The following POU2F1 variants were observed in gnomAD, a reference collection of about 807,000 sequenced individuals.
POU2F1 encodes the protein POU domain, class 2, transcription factor 1.
A neutral mutation model predicts 84.9 loss-of-function variants in POU2F1; 16 were observed. The ratio of observed to expected loss-of-function variants is 0.19; its 90% CI spans 0.13 to 0.29. The LOEUF (loss-of-function observed/expected upper bound fraction) is 0.29, where lower values mean the gene tolerates loss of function less well. Ranked by LOEUF, POU2F1 falls within the 10% of genes least tolerant of loss-of-function variation. The pLI, the probability that POU2F1 is intolerant of heterozygous loss-of-function variation, is 1.00. For missense variants in POU2F1, 738 were observed against 942.6 expected, an observed-to-expected ratio of 0.78 and a Z score of 2.84; for synonymous variants, 368 against 368.3, an observed-to-expected ratio of 1.00 and a Z score of 0.01.
chr1:167,372,981 G>A lies in POU2F1; in HGVS notation c.402+945G>A, dbSNP rs1423881573. ...TCCCAGTTAAGTGTGTTTTGTCAGT[G>A]GACAACTGTTTTAAGAACTGTTGCA... On this transcript the variant is annotated intron_variant, in intron 5 of 15. Transcript: ENST00000367866. Among the ~76,000 whole-genome samples the A allele has an allele frequency of 3.3e-5, 5 of 151,682 alleles. No homozygotes were observed. The East Asian group carries it at 9.7e-4, about 29-fold the overall frequency.
Position 167,416,385 on chromosome 1 carries a change from ATTGTTG to A in POU2F1, c.*584_*589del, listed in dbSNP as rs150254224. On this transcript the variant is annotated 3_prime_UTR_variant, in exon 16 of 16. Coordinates refer to ENST00000367866, the MANE Select transcript of POU2F1 (RefSeq NM_002697.4). The stretch of plus-strand genomic sequence containing the variant: ...GGCAGGCCTGTATTACTGTATTATT[ATTGTTG>A]TTGTTGTTATTGTTTTATATATATA... 5.3e-6 allele frequency: 1 copy of A among 188,736 alleles called. No individual in the cohort carries two copies. The highest frequency in any genetic ancestry group is 2.4e-5 in the African/African-American group (1 of 41,468). The allele number at this position is 188,736 out of a possible 1,614,324, so 11.7% of individuals were successfully genotyped here.
chr1:167,241,238 G>A (rs1433176426), intron 1 of POU2F1, among the ~76,000 whole-genome samples: 1 of 152,148 alleles, frequency 6.6e-6, no homozygotes, highest in African/African-American at 2.4e-5. Flanking sequence ...TGATTTGCCA[G>A]TGTAAAGCAA....
At chr1:167,366,303 T>C (rs945559349) in intron 3 of POU2F1, among the ~76,000 whole-genome samples, 1 of 152,208 alleles carries the variant, frequency 6.6e-6, no homozygotes, top group African/African-American at 2.4e-5. Context: ...TAGACCAATA[T>C]TTTGGTGGTC....
chr1:167,380,805 G>A (rs1482547897), intron 7 of POU2F1: 4 of 151,994 alleles, frequency 2.6e-5, no homozygotes, highest in Non-Finnish European at 5.9e-5. Context: ...CATATTTTTG[G>A]TAATATTGCT....
intron 7 of POU2F1, among the ~76,000 whole-genome samples, chr1:167,382,215 G>A (rs1225005907): frequency 2.6e-5 from 4 of 152,134 alleles, no homozygotes; most frequent in East Asian, 1.9e-4. Context: ...GTCAGGTAGC[G>A]GATCATAGTA....
chr1:167,288,013 T>G (rs182165129), intron 1 of POU2F1, among the ~76,000 whole-genome samples: 66 of 152,312 alleles, frequency 4.3e-4, no homozygotes, highest in Admixed American at 7.2e-4. Flanking sequence ...CAACCTTAAA[T>G]TTTTACCCAG....
At position 167,238,077 on chromosome 1, in the gene POU2F1, C is replaced by T. The variant is rs986010085; in HGVS notation, c.61+17119C>T. ...GATTACAGGTGTGAGCCACCATGCC[C>T]AGCCCATATATTCTTAATTTCTTGA... On this transcript the variant is annotated intron_variant, in intron 1 of 15. Transcript: ENST00000367866. Among the ~76,000 whole-genome samples, 6 of 151,934 alleles carry T rather than the reference C, an allele frequency of 3.9e-5. No individual in the cohort carries two copies. The South Asian group carries it at 1.0e-3, about 26-fold the overall frequency.
At position 167,276,705 on chromosome 1, in the gene POU2F1, A is replaced by G. The variant is rs548190268; in HGVS notation, c.61+55747A>G. 2.0e-5 allele frequency among the ~76,000 whole-genome samples: 3 copies of G among 152,334 alleles called. No homozygotes were observed. In the South Asian group the frequency reaches 6.2e-4, roughly 32 times the overall value. ...ACCATCCTCAACCATTCTGAATTATAAAGTGTTAAAATTAAGAACAGGAAG... is the reference window on the plus strand; with the variant it reads ...ACCATCCTCAACCATTCTGAATTATGAAGTGTTAAAATTAAGAACAGGAAG... On this transcript the variant is annotated intron_variant, in intron 1 of 15. Transcript: ENST00000367866.
At chr1:167,235,484 T>C (rs1450573470) in intron 1 of POU2F1, among the ~76,000 whole-genome samples, 1 of 152,214 alleles carries the variant, frequency 6.6e-6, no homozygotes, top group East Asian at 1.9e-4. Context: ...GGCAAAGCCA[T>C]TGCCGGCTTA....
intron 1 of POU2F1, among the ~76,000 whole-genome samples, chr1:167,318,229 T>C (rs1379844074): frequency 1.3e-5 from 2 of 152,240 alleles, no homozygotes; most frequent in Non-Finnish European, 2.9e-5. Context: ...CAAATCCTTA[T>C]GTTTAGCTCC....
At chr1:167,282,454 A>C (rs1347994811) in intron 1 of POU2F1, among the ~76,000 whole-genome samples, 1 of 152,190 alleles carries the variant, frequency 6.6e-6, no homozygotes, top group Non-Finnish European at 1.5e-5. Flanking sequence ...AAAAATTTTT[A>C]AATTTCTATT....
At chr1:167,299,207 A>T (rs150248892) in intron 1 of POU2F1, among the ~76,000 whole-genome samples, 245 of 151,246 alleles carry the variant, frequency 1.6e-3, no homozygotes, top group African/African-American at 5.7e-3. Flanking sequence ...GAAAAGAAAT[A>T]TGGAAGGAGT....
At chr1:167,280,987 G>A (rs947664599) in intron 1 of POU2F1, among the ~76,000 whole-genome samples, 1 of 152,176 alleles carries the variant, frequency 6.6e-6, no homozygotes, top group African/African-American at 2.4e-5. Flanking sequence ...CATATAAATA[G>A]TGTCAAGTCC....
In POU2F1 at chr1:167,383,839, C is replaced by A. The variant is rs1435488554; in HGVS notation, c.719-18C>A. On this transcript the variant is annotated intron_variant, in intron 7 of 15. Coordinates refer to ENST00000367866, the MANE Select transcript of POU2F1 (RefSeq NM_002697.4). ...AGAAATCTTTAATGTTTCTGGATAACATGTTTTTCTTCTACAGGTCTCCTG... is the reference window on the plus strand; with the variant it reads ...AGAAATCTTTAATGTTTCTGGATAAAATGTTTTTCTTCTACAGGTCTCCTG... The A allele has an allele frequency of 1.9e-6, 3 of 1,592,698 alleles. No individual in the cohort carries two copies. The highest frequency in any genetic ancestry group is 2.6e-6 in the Non-Finnish European group (3 of 1,164,976).
At chr1:167,291,507 A>C (rs1377631426) in intron 1 of POU2F1, among the ~76,000 whole-genome samples, 1 of 152,166 alleles carries the variant, frequency 6.6e-6, no homozygotes, top group Non-Finnish European at 1.5e-5. Flanking sequence ...CCTGTAACCT[A>C]ATTTTTCACT....
intron 1 of POU2F1, among the ~76,000 whole-genome samples, chr1:167,282,204 G>A (rs1333768970): frequency 2.6e-5 from 4 of 150,968 alleles, no homozygotes; most frequent in African/African-American, 9.8e-5. Context: ...ATGCAGTGGC[G>A]CGATCCCGGC....
chr1:167,415,672 A>G lies in POU2F1; in HGVS notation c.2163A>G (p.Ala721=), dbSNP rs1280354982. The G allele has an allele frequency of 1.1e-5, 18 of 1,614,078 alleles. No individual in the cohort carries two copies. Among genetic ancestry groups the G allele is most frequent in the Non-Finnish European group, 1.4e-5 (17 of 1,180,034 alleles). The stretch of plus-strand genomic sequence containing the variant: ...TTAGCTTGGTCTCTGCCGCCGCAGC[A>G]TCTGCAGGGAACTCTGCACCTGTAG... ...NPVSLVSAAA[A]SAGNSAPVAS... Residue 721 remains alanine, a synonymous_variant, in exon 16 of 16, where the codon GCA becomes GCG. Transcript: ENST00000367866.
At position 167,401,567 on chromosome 1, in the gene POU2F1, G is replaced by A; in HGVS notation, c.1555+11G>A. On this transcript the variant is annotated intron_variant, in intron 13 of 15. Transcript: ENST00000367866. ...ATCTTTCAGTTACAGGTAAGCAGCT[G>A]CCAGGCCATGCACCTGCTGAGCACA... 1 of 1,583,870 alleles carries A rather than the reference G, an allele frequency of 6.3e-7. No individual in the cohort carries two copies.
chr1:167,266,653 C>G (rs1411073695), intron 1 of POU2F1, among the ~76,000 whole-genome samples: 1 of 135,754 alleles, frequency 7.4e-6, no homozygotes, highest in Admixed American at 7.9e-5. Flanking sequence ...GAGATGGAGT[C>G]TCGCTCTGTT....
Sources: gnomAD v4.1 joint callset for allele counts (sites outside exome capture counted in the v4.1 genomes callset) on GRCh38, gnomAD v4.1.1 for gene constraint, MANE v1.5 for transcripts, NCBI Gene and HGNC (gene_info 2026-07-23, HGNC 2026-07-21) for gene names.